DCHS2: variants seen among roughly 807,000 people sequenced by gnomAD.
DCHS2 encodes the protein protocadherin-23.
In DCHS2, 142 loss-of-function variants were observed where a neutral mutation model predicts 182.4. That is an observed-to-expected ratio of 0.78 (90% confidence interval 0.68 to 0.89). The LOEUF is 0.89. Ranked by LOEUF, DCHS2 falls within the 40% of genes least tolerant of loss-of-function variation. DCHS2 has a pLI of 0.00. For synonymous variants in DCHS2, 1,740 were observed against 1,663.3 expected, an observed-to-expected ratio of 1.05 and a Z score of -1.12; for missense variants, 4,319 against 4,198.6, an observed-to-expected ratio of 1.03 and a Z score of -0.79.
chr4:154,395,996 A>G (rs1190628374), intron 1 of DCHS2, among the ~76,000 whole-genome samples: 1 of 152,212 alleles, frequency 6.6e-6, no homozygotes, highest in East Asian at 1.9e-4. Flanking sequence ...ACCATTTTGT[A>G]GGTTAGGAAA....
intron 1 of DCHS2, among the ~76,000 whole-genome samples, chr4:154,388,452 T>A (rs1002739304): frequency 5.3e-5 from 8 of 151,906 alleles, no homozygotes; most frequent in Admixed American, 1.3e-4. Context: ...GATTTTTTTT[T>A]ATTCCATTCA....
intron 1 of DCHS2, among the ~76,000 whole-genome samples, chr4:154,379,682 C>T (rs1406357080): frequency 6.6e-6 from 1 of 152,164 alleles, no homozygotes; most frequent in Non-Finnish European, 1.5e-5. Flanking sequence ...ACTCATTTAA[C>T]TCTGGACTGA....
chr4:154,263,280 TA>T (rs1733072602), intron 14 of DCHS2, among the ~76,000 whole-genome samples: 2 of 152,100 alleles, frequency 1.3e-5, no homozygotes, highest in African/African-American at 4.8e-5. Flanking sequence ...ATTAAAGTTT[TA>T]AAAAAGCTTT....
In DCHS2 at chr4:154,421,373, GTTAATTTAATTTAAT is replaced by G. The variant is rs60585355; in HGVS notation, c.2053-43944_2053-43930del. Among the ~76,000 whole-genome samples, 502 of 149,064 alleles carry G rather than the reference GTTAATTTAATTTAAT, an allele frequency of 3.4e-3. 1 individual carries two copies. The highest frequency in any genetic ancestry group is 5.6e-3 in the Non-Finnish European group (379 of 67,186). ...TCTTTATTAGACCCTTCTCATCTGTGTTAATTTAATTTAATTTAATTTAATTTAATTTATTTATTT... is the reference window on the plus strand; with the variant it reads ...TCTTTATTAGACCCTTCTCATCTGTGTTAATTTAATTTAATTTATTTATTT... On this transcript the variant is annotated intron_variant, in intron 1 of 19. Transcript: ENST00000357232.
chr4:154,286,684 A>G (rs1470402678), intron 13 of DCHS2, among the ~76,000 whole-genome samples: 1 of 152,086 alleles, frequency 6.6e-6, no homozygotes, highest in African/African-American at 2.4e-5. Context: ...AAAAGGATGA[A>G]AAAGAAGAAA....
At chr4:154,355,489 A>G (rs181805999) in intron 3 of DCHS2, 1 of 152,248 alleles carries the variant, frequency 6.6e-6, no homozygotes, top group Admixed American at 6.5e-5. Context: ...TCAAGAAATA[A>G]CCATAAAAAT....
At chr4:154,318,499 G>A (rs2111330325) in intron 9 of DCHS2, among the ~76,000 whole-genome samples, 1 of 151,856 alleles carries the variant, frequency 6.6e-6, no homozygotes, top group East Asian at 1.9e-4. Flanking sequence ...AAAACTGTTA[G>A]AACAAATAAA....
intron 9 of DCHS2, among the ~76,000 whole-genome samples, 153 bp from the exon 10 acceptor site, chr4:154,316,140 C>T (rs948593994): frequency 1.1e-4 from 16 of 152,158 alleles, no homozygotes; most frequent in Non-Finnish European, 4.4e-5. Context: ...TAAATGTATA[C>T]ACTATCTACA....
At chr4:154,303,380 G>A (rs141504122) in intron 12 of DCHS2, among the ~76,000 whole-genome samples, 1 of 151,308 alleles carries the variant, frequency 6.6e-6, no homozygotes, top group African/African-American at 2.4e-5. Flanking sequence ...TTTAGGATAT[G>A]CTGGGAAACA....
At chr4:154,480,627 T>A (rs1358580447) in intron 1 of DCHS2, among the ~76,000 whole-genome samples, 1 of 152,222 alleles carries the variant, frequency 6.6e-6, no homozygotes, top group African/African-American at 2.4e-5. Context: ...AAGTATGCAA[T>A]AATTACAAAT....
chr4:154,490,112 A>C lies in DCHS2; in HGVS notation c.1244T>G (p.Val415Gly), dbSNP rs1294329597. The change falls in exon 1 of 20, where the codon GTG becomes GGG. Residue 415 changes from valine to glycine, a missense_variant. Physicochemically the swap from Val to Gly is moderately radical, Grantham distance 109. Coordinates refer to ENST00000357232, the MANE Select transcript of DCHS2 (RefSeq NM_001358235.2). The stretch of plus-strand genomic sequence containing the variant: ...GACGCCTCCCTCTGTGAGAAAGAGC[A>C]CGTGAATTGCTGGCCGGTTGTCATT... Reference protein sequence around the residue: ...DVNDNRPAIHVLFLTEGGVAR... With the variant: ...DVNDNRPAIHGLFLTEGGVAR... 2.6e-6 allele frequency: 4 copies of C among 1,548,442 alleles called. No homozygotes were observed. Among genetic ancestry groups the C allele is most frequent in the Non-Finnish European group, 2.6e-6 (3 of 1,145,758 alleles).
intron 3 of DCHS2, among the ~76,000 whole-genome samples, chr4:154,359,324 G>GATAT (rs942491565): frequency 6.6e-6 from 1 of 151,820 alleles, no homozygotes; most frequent in Admixed American, 6.6e-5. Flanking sequence ...TGAACTTAAA[G>GATAT]ATATATATAT....
intron 1 of DCHS2, among the ~76,000 whole-genome samples, chr4:154,417,204 T>TGTGAGTGAGAGAGAGA (rs1560745908): frequency 2.5e-5 from 1 of 39,476 alleles, no homozygotes; most frequent in African/African-American, 9.4e-5. Context: ...TGTGTGTGTG[T>TGTGAGTGAGAGAGAGA]GAGAGAGAGA....
At chr4:154,323,027 C>A in intron 7 of DCHS2, 2 of 609,946 alleles carry the variant, frequency 3.3e-6, no homozygotes, top group South Asian at 2.7e-5. Flanking sequence ...AAAATAAAGT[C>A]CATATATTGC....
At chr4:154,353,563 A>G (rs1348300537) in intron 3 of DCHS2, among the ~76,000 whole-genome samples, 1 of 152,210 alleles carries the variant, frequency 6.6e-6, no homozygotes, top group African/African-American at 2.4e-5. Context: ...CCTGACTCCT[A>G]TCATCTATCA....
intron 2 of DCHS2, among the ~76,000 whole-genome samples, chr4:154,368,603 G>C (rs10012717): frequency 6.6e-6 from 1 of 151,300 alleles, no homozygotes; most frequent in Non-Finnish European, 1.5e-5. Flanking sequence ...CGCAACCTGC[G>C]CCTCCCGGGT....
rs1291631856 is a variant in DCHS2 at position 154,366,289 on chromosome 4, G to C, written c.2397C>G (p.Asp799Glu). The C allele has an allele frequency of 6.2e-7, 1 of 1,613,844 alleles. No individual in the cohort carries two copies. Among genetic ancestry groups the C allele is most frequent in the Non-Finnish European group, 8.5e-7 (1 of 1,179,934 alleles). Residue 799 changes from aspartate (D) to glutamate (E), a missense_variant, in exon 3 of 20, where the codon GAC becomes GAG. Asp to Glu is a conservative substitution (Grantham distance 45, BLOSUM62 2). Transcript: ENST00000357232. ...AAGCCACTGTCCCATATATCCCAGA[G>C]TCCTGGTCAGTGGCAAGAACATTGA... ...EIINVLATDQ[D>E]SGIYGTVAYE...
chr4:154,359,333 A>G (rs973015666), intron 3 of DCHS2, among the ~76,000 whole-genome samples: 3 of 152,064 alleles, frequency 2.0e-5, no homozygotes, highest in Non-Finnish European at 4.4e-5. Context: ...AGATATATAT[A>G]TACGTACATA....
chr4:154,265,655 A>G (rs1379733702), intron 14 of DCHS2, among the ~76,000 whole-genome samples: 2 of 152,200 alleles, frequency 1.3e-5, no homozygotes, highest in Admixed American at 1.3e-4. Flanking sequence ...TACAAATTCA[A>G]GTTACTAATT....
Sources: gnomAD v4.1 joint callset for allele counts (sites outside exome capture counted in the v4.1 genomes callset) on GRCh38, gnomAD v4.1.1 for gene constraint, MANE v1.5 for transcripts, NCBI Gene and HGNC (gene_info 2026-07-23, HGNC 2026-07-21) for gene names.